CLSTN2: variants seen among roughly 807,000 people sequenced by gnomAD.
CLSTN2 encodes calsyntenin-2.
In CLSTN2, 48 loss-of-function variants were observed where a neutral mutation model predicts 101.2. That is an observed-to-expected ratio of 0.47 (90% confidence interval 0.38 to 0.60). The LOEUF is 0.60. CLSTN2 is among the 20% of genes least tolerant of loss of function. The probability of loss-of-function intolerance (pLI) is 0.00; values close to 1 mark genes in which losing one functional copy is unlikely to be tolerated. For missense variants in CLSTN2, 1,160 were observed against 1,238.2 expected (o/e 0.94, Z 0.95); for synonymous variants, 481 against 463.6 (o/e 1.04, Z -0.48).
chr3:140,065,942 G>C (rs969474365), intron 1 of CLSTN2, among the ~76,000 whole-genome samples: 1 of 152,154 alleles, frequency 6.6e-6, no homozygotes, highest in Non-Finnish European at 1.5e-5. Flanking sequence ...TGGTTTTCAT[G>C]TTTTCATGAT....
intron 2 of CLSTN2, among the ~76,000 whole-genome samples, chr3:140,320,611 CG>C (rs201445122): frequency 5.4e-4 from 65 of 121,222 alleles, no homozygotes; most frequent in Middle Eastern, 8.6e-3. Context: ...GTTTTTTTTG[CG>C]GGGGGGGGCA....
chr3:140,177,544 C>A (rs2010344326), intron 2 of CLSTN2, among the ~76,000 whole-genome samples: 1 of 152,062 alleles, frequency 6.6e-6, no homozygotes, highest in Non-Finnish European at 1.5e-5. Flanking sequence ...AACCCCAGCA[C>A]TTTGGGAGGC....
rs574928028 is a variant in CLSTN2, at chr3:140,473,388, A to G, written c.1344+6657A>G. ...GAAAGCTGTGAATATGTGGCATTAC[A>G]TGGCAAGACGGTGTTCGCATATGTG... On this transcript the variant is annotated intron_variant, in intron 8 of 16. Transcript: ENST00000458420. Among the ~76,000 whole-genome samples, 6 of 152,342 alleles carry G rather than the reference A, an allele frequency of 3.9e-5. No individual in the cohort carries two copies. In the South Asian group the frequency reaches 1.0e-3, roughly 26 times the overall value.
intron 2 of CLSTN2, among the ~76,000 whole-genome samples, chr3:140,330,659 C>A (rs539270397): frequency 3.3e-5 from 5 of 152,104 alleles, no homozygotes; most frequent in Non-Finnish European, 7.3e-5. Context: ...TAAAGGTTCA[C>A]CATATGGAAG....
At chr3:140,268,343 C>G (rs137923270) in intron 2 of CLSTN2, among the ~76,000 whole-genome samples, 1 of 152,178 alleles carries the variant, frequency 6.6e-6, no homozygotes. Context: ...CAGTACAACA[C>G]CCCCTGTTGG....
At chr3:140,434,746 G>A (rs564176898) in intron 5 of CLSTN2, among the ~76,000 whole-genome samples, 9 of 152,186 alleles carry the variant, frequency 5.9e-5, no homozygotes, top group Admixed American at 2.0e-4. Context: ...TTCTGTCAAC[G>A]TTGTGGCTGT....
At chr3:140,391,843 T>G (rs1356939747) in intron 2 of CLSTN2, among the ~76,000 whole-genome samples, 1 of 152,056 alleles carries the variant, frequency 6.6e-6, no homozygotes, top group Non-Finnish European at 1.5e-5. Flanking sequence ...GTTTTTAAAT[T>G]TTTAAAATAT....
intron 2 of CLSTN2, among the ~76,000 whole-genome samples, chr3:140,184,446 C>A (rs1335550981): frequency 6.6e-6 from 1 of 152,056 alleles, no homozygotes; most frequent in Non-Finnish European, 1.5e-5. Flanking sequence ...CCTTATGAAA[C>A]CATCAGATCT....
intron 1 of CLSTN2, among the ~76,000 whole-genome samples, chr3:140,142,966 C>T (rs1376076895): frequency 6.6e-6 from 1 of 152,154 alleles, no homozygotes; most frequent in Non-Finnish European, 1.5e-5. Flanking sequence ...ACTTGAAGCA[C>T]CTCTACTACT....
At chr3:140,413,304 G>T (rs938204088) in intron 4 of CLSTN2, among the ~76,000 whole-genome samples, 1 of 152,236 alleles carries the variant, frequency 6.6e-6, no homozygotes, top group Non-Finnish European at 1.5e-5. Flanking sequence ...AGGAAAAATA[G>T]ATAAGTTCCT....
chr3:140,207,030 G>T (rs2010792954), intron 2 of CLSTN2, among the ~76,000 whole-genome samples: 1 of 152,060 alleles, frequency 6.6e-6, no homozygotes, highest in South Asian at 2.1e-4. Flanking sequence ...ACCCATCCAG[G>T]TGCTTACTGT....
intron 2 of CLSTN2, among the ~76,000 whole-genome samples, chr3:140,212,089 C>T (rs2010862897): frequency 6.6e-6 from 1 of 152,212 alleles, no homozygotes; most frequent in Admixed American, 6.5e-5. Flanking sequence ...AATTCAAACA[C>T]ATTTGCACCA....
At chr3:140,311,107 T>C (rs2087162737) in intron 2 of CLSTN2, among the ~76,000 whole-genome samples, 1 of 151,902 alleles carries the variant, frequency 6.6e-6, no homozygotes, top group African/African-American at 2.4e-5. Context: ...GGGCAGTGAG[T>C]CAATAGAGTT....
Position 140,392,963 on chromosome 3 carries a change from A to T in CLSTN2, c.233-10666A>T, listed in dbSNP as rs188508822. On this transcript the variant is annotated intron_variant, in intron 2 of 16. Transcript: ENST00000458420. The stretch of plus-strand genomic sequence containing the variant: ...GTCCTGAGACAGCATAAGCATAAAT[A>T]TGACAAGAAGGCTGAGTGTTGTCAT... 1.1e-3 allele frequency among the ~76,000 whole-genome samples: 170 copies of T among 152,204 alleles called. 1 individual carries two copies. The highest frequency in any genetic ancestry group is 3.9e-3 in the African/African-American group (164 of 41,532).
chr3:140,078,825 A>G (rs561611542), intron 1 of CLSTN2, among the ~76,000 whole-genome samples: 2 of 152,360 alleles, frequency 1.3e-5, no homozygotes, highest in South Asian at 4.1e-4. Context: ...TTTATGAGTT[A>G]GTGAATAAGA....
chr3:140,139,690 G>A (rs1490101508), intron 1 of CLSTN2, among the ~76,000 whole-genome samples: 1 of 152,162 alleles, frequency 6.6e-6, no homozygotes, highest in Non-Finnish European at 1.5e-5. Flanking sequence ...AATTCGATCC[G>A]ACTCTACCAG....
At position 140,574,614 on chromosome 3, in the gene CLSTN2, T is replaced by C. The variant is rs1246276499; in HGVS notation, c.*8361T>C. The stretch of plus-strand genomic sequence containing the variant: ...CCAAAATGCAGACAGTGTGTATTAA[T>C]CACAGACAACAGAAACGTGTTAGCT... On this transcript the variant is annotated 3_prime_UTR_variant, in exon 17 of 17. Transcript: ENST00000458420. The C allele has an allele frequency of 6.6e-6, 1 of 152,242 alleles. No individual in the cohort carries two copies. The highest frequency in any genetic ancestry group is 1.5e-5 in the Non-Finnish European group (1 of 68,048). 9.4% of individuals were successfully genotyped at this position (152,242 alleles called of 1,614,324 possible). A position where few individuals can be genotyped will look rare whatever the true frequency, so the allele number is the denominator to read the frequency against.
intron 2 of CLSTN2, among the ~76,000 whole-genome samples, chr3:140,371,484 G>A (rs1409407034): frequency 6.6e-6 from 1 of 152,114 alleles, no homozygotes; most frequent in African/African-American, 2.4e-5. Context: ...CTCAGGGCTG[G>A]CTGGTGGCTG....
At chr3:140,406,417 C>A (rs897758718) in intron 4 of CLSTN2, among the ~76,000 whole-genome samples, 2 of 152,228 alleles carry the variant, frequency 1.3e-5, no homozygotes, top group Non-Finnish European at 2.9e-5. Flanking sequence ...GGGGAAAAGA[C>A]AATTACATAC....
Sources: allele counts gnomAD v4.1 joint callset (sites outside exome capture counted in the v4.1 genomes callset), GRCh38; gene constraint gnomAD v4.1.1; transcripts MANE v1.5; gene names NCBI Gene and HGNC (gene_info 2026-07-23, HGNC 2026-07-21).